The following DIS3L2 variants were observed in gnomAD, a reference collection of about 807,000 sequenced individuals.
The protein encoded by DIS3L2 is DIS3 like 3'-5' exoribonuclease 2.
Under a neutral mutation model 97.5 loss-of-function variants are expected in DIS3L2, and 34 were observed. The ratio of observed to expected loss-of-function variants is 0.35; its 90% confidence interval spans 0.27 to 0.46. The LOEUF (loss-of-function observed/expected upper bound fraction) is 0.46. Ranked by LOEUF, DIS3L2 falls within the 20% of genes least tolerant of loss-of-function variation. The pLI is 1.00. For missense variants in DIS3L2, 1,038 were observed against 1,146.0 expected, an observed-to-expected ratio of 0.91 and a Z score of 1.36; for synonymous variants, 435 against 445.2, an observed-to-expected ratio of 0.98 and a Z score of 0.29.
At chr2:232,230,255 A>G (rs1288380810) in intron 10 of DIS3L2, among the ~76,000 whole-genome samples, 1 of 152,224 alleles carries the variant, frequency 6.6e-6, no homozygotes, top group East Asian at 1.9e-4. Context: ...TGTGGCCACA[A>G]GGTGATCCAA....
rs940802606 is a variant in DIS3L2 at position 232,029,840 on chromosome 2, A to G, written c.265-139A>G. ...ATTCATTTAGTATTAAAAAGGTATCAGCATGCTTTATTTAATACGAAAAAG... is the reference window on the plus strand; with the variant it reads ...ATTCATTTAGTATTAAAAAGGTATCGGCATGCTTTATTTAATACGAAAAAG... On this transcript the variant is annotated intron_variant, in intron 4 of 20. Transcript: ENST00000325385. 8 of 610,066 alleles carry G rather than the reference A, an allele frequency of 1.3e-5. No homozygotes were observed. The African/African-American group carries it at 1.3e-4, about 10-fold the overall frequency. 37.8% of individuals were successfully genotyped at this position (610,066 alleles called of 1,614,324 possible).
intron 5 of DIS3L2, among the ~76,000 whole-genome samples, chr2:232,059,432 C>T (rs1275963188): frequency 6.6e-6 from 1 of 152,168 alleles, no homozygotes; most frequent in African/African-American, 2.4e-5. Context: ...CCAGCATAAG[C>T]CCTGAATCTT....
At chr2:232,070,608 G>A (rs556227005) in intron 5 of DIS3L2, among the ~76,000 whole-genome samples, 25 of 146,902 alleles carry the variant, frequency 1.7e-4, no homozygotes, top group Admixed American at 1.6e-3. Context: ...TTTTTGAGAT[G>A]GAGTCTCACT....
chr2:232,192,781 A>C (rs1489628201), intron 9 of DIS3L2, among the ~76,000 whole-genome samples: 2 of 152,172 alleles, frequency 1.3e-5, no homozygotes, highest in Non-Finnish European at 2.9e-5. Flanking sequence ...TGCATTAATT[A>C]AGACTTTTTT....
At position 232,325,787 on chromosome 2, in the gene DIS3L2, G is replaced by A. The variant is rs1264915159; in HGVS notation, c.1740-4026G>A. Among the ~76,000 whole-genome samples, 2 of 152,176 alleles carry A rather than the reference G, an allele frequency of 1.3e-5. No individual in the cohort carries two copies. Among genetic ancestry groups the A allele is most frequent in the Non-Finnish European group, 2.9e-5 (2 of 68,008 alleles). Reference sequence around the variant, plus strand: ...TGTCAGGCAGTCCCTGAGCTCCAGCGCCCCATCCCCCGCAGGGCCCAGTGA... The same window carrying A: ...TGTCAGGCAGTCCCTGAGCTCCAGCACCCCATCCCCCGCAGGGCCCAGTGA... On this transcript the variant is annotated intron_variant, in intron 14 of 20. Coordinates refer to ENST00000325385, the MANE Select transcript of DIS3L2 (RefSeq NM_152383.5). The surrounding 1 kb of genome is among the most constrained non-coding windows in gnomAD (Gnocchi z 4.6).
chr2:231,982,260 G>A (rs1693284723), intron 1 of DIS3L2, among the ~76,000 whole-genome samples: 1 of 152,066 alleles, frequency 6.6e-6, no homozygotes, highest in African/African-American at 2.4e-5. Flanking sequence ...AAATGAGATT[G>A]GCCTGTATTC....
rs143661017 is a variant in DIS3L2 at position 232,055,242 on chromosome 2, C to T, written c.366+25162C>T. 2.8e-3 allele frequency among the ~76,000 whole-genome samples: 423 copies of T among 152,070 alleles called. 2 individuals are homozygous for T. The highest frequency in any genetic ancestry group is 9.1e-3 in the African/African-American group (378 of 41,492). On this transcript the variant is annotated intron_variant, in intron 5 of 20. Coordinates refer to ENST00000325385, the MANE Select transcript of DIS3L2 (RefSeq NM_152383.5). The stretch of plus-strand genomic sequence containing the variant: ...GTTATATCGTAGACTGTAGTTAATG[C>T]GATAAAGCAAGAAAAAAGACATGAG...
At chr2:232,045,648 T>C (rs1161736881) in intron 5 of DIS3L2, among the ~76,000 whole-genome samples, 2 of 149,186 alleles carry the variant, frequency 1.3e-5, no homozygotes, top group Non-Finnish European at 3.0e-5. Context: ...CCTCATGATA[T>C]CATCACCTTT....
chr2:232,190,594 AAG>A (rs1691590944), intron 9 of DIS3L2, among the ~76,000 whole-genome samples: 1 of 151,702 alleles, frequency 6.6e-6, no homozygotes. Flanking sequence ...GAGAGAGAGG[AAG>A]AGAGGAAGGA....
chr2:232,282,720 C>G (rs563661742), intron 13 of DIS3L2, among the ~76,000 whole-genome samples: 5 of 152,218 alleles, frequency 3.3e-5, no homozygotes, highest in African/African-American at 1.2e-4. Flanking sequence ...GCCTCTCTTT[C>G]GCACTGGCCC....
At chr2:232,010,549 C>G (rs1694170180) in intron 1 of DIS3L2, among the ~76,000 whole-genome samples, 1 of 151,502 alleles carries the variant, frequency 6.6e-6, no homozygotes, top group Non-Finnish European at 1.5e-5. Flanking sequence ...CAATAGTCAT[C>G]TTTTGCTTGT....
chr2:232,276,150 C>T lies in DIS3L2; in HGVS notation c.1659+12710C>T, dbSNP rs1179846975. ...TTCTTATCTGCTTGTCAGCATGAGG[C>T]TGGTAGCCTCCTAAATAAGAAGATG... On this transcript the variant is annotated intron_variant, in intron 13 of 20. Coordinates refer to ENST00000325385, the MANE Select transcript of DIS3L2 (RefSeq NM_152383.5). The surrounding 1 kb of genome is among the most constrained non-coding windows in gnomAD (Gnocchi z 4.4). Among the ~76,000 whole-genome samples the T allele has an allele frequency of 6.6e-6, 1 of 152,238 alleles. No individual in the cohort carries two copies. Among genetic ancestry groups the T allele is most frequent in the Non-Finnish European group, 1.5e-5 (1 of 68,042 alleles).
chr2:232,233,019 ACAGAATCAC>A (rs1293080458), intron 10 of DIS3L2, among the ~76,000 whole-genome samples: 1 of 152,168 alleles, frequency 6.6e-6, no homozygotes, highest in Non-Finnish European at 1.5e-5. Flanking sequence ...TGGGGAGGGC[ACAGAATCAC>A]CAGGCTTCAG....
chr2:232,315,393 C>A (rs1695244089), intron 14 of DIS3L2, among the ~76,000 whole-genome samples: 1 of 152,234 alleles, frequency 6.6e-6, no homozygotes, highest in Non-Finnish European at 1.5e-5. Flanking sequence ...GGTCATAGGA[C>A]TGCATGTTGG....
At chr2:232,101,067 C>T (rs914016259) in intron 6 of DIS3L2, among the ~76,000 whole-genome samples, 1 of 151,942 alleles carries the variant, frequency 6.6e-6, no homozygotes, top group African/African-American at 2.4e-5. Flanking sequence ...GAAACCCCGT[C>T]TCTACTAAAA....
At chr2:232,124,247 C>T (rs1474436003) in intron 6 of DIS3L2, among the ~76,000 whole-genome samples, 1 of 151,950 alleles carries the variant, frequency 6.6e-6, no homozygotes, top group Non-Finnish European at 1.5e-5. Context: ...TCATCAGATA[C>T]TAGAATCACC....
chr2:232,250,121 T>C (rs926620396), intron 12 of DIS3L2, among the ~76,000 whole-genome samples: 2 of 152,174 alleles, frequency 1.3e-5, no homozygotes, highest in South Asian at 4.1e-4. Context: ...GGGTCGTGAT[T>C]AAGTAAGCCC....
chr2:232,132,161 C>T (rs1698237370), intron 7 of DIS3L2, among the ~76,000 whole-genome samples: 1 of 152,140 alleles, frequency 6.6e-6, no homozygotes, highest in South Asian at 2.1e-4. Context: ...CCTCTCCCTT[C>T]TCCCTTTTCC....
At chr2:232,021,014 T>A (rs1253430844) in intron 3 of DIS3L2, among the ~76,000 whole-genome samples, 1 of 152,192 alleles carries the variant, frequency 6.6e-6, no homozygotes, top group African/African-American at 2.4e-5. Flanking sequence ...GTATTTTATA[T>A]GTGTGAAATT....
Sources: gnomAD v4.1 joint callset for allele counts (sites outside exome capture counted in the v4.1 genomes callset) on GRCh38, gnomAD v4.1.1 for gene constraint, Gnocchi (gnomAD v3.1) non-coding constraint, MANE v1.5 for transcripts, NCBI Gene and HGNC (gene_info 2026-07-23, HGNC 2026-07-21) for gene names.